The following RBM33 variants were observed in gnomAD, a reference collection of about 807,000 sequenced individuals.
RBM33 encodes RNA-binding protein 33.
Under a neutral mutation model 132.6 loss-of-function variants are expected in RBM33, and 28 were observed. That is an observed-to-expected ratio of 0.21 (90% confidence interval 0.16 to 0.29). The LOEUF (loss-of-function observed/expected upper bound fraction) is 0.29, where lower values mean the gene tolerates loss of function less well. Ranked by LOEUF, RBM33 falls within the 10% of genes least tolerant of loss-of-function variation. RBM33 has a pLI of 1.00. For synonymous variants in RBM33, 634 were observed against 593.0 expected, an observed-to-expected ratio of 1.07 and a Z score of -1.01; for missense variants, 1,291 against 1,518.5, an observed-to-expected ratio of 0.85 and a Z score of 2.49.
At chr7:155,713,212 G>C (rs1211553264) in intron 8 of RBM33, among the ~76,000 whole-genome samples, 1 of 152,160 alleles carries the variant, frequency 6.6e-6, no homozygotes, top group Non-Finnish European at 1.5e-5. Context: ...CATTAAATTT[G>C]AGATGCCAAC....
At chr7:155,716,659 A>T (rs1398199538) in intron 8 of RBM33, among the ~76,000 whole-genome samples, 1 of 152,082 alleles carries the variant, frequency 6.6e-6, no homozygotes, top group African/African-American at 2.4e-5. Context: ...CTTCATTATA[A>T]TCTTCTGAGG....
chr7:155,668,501 C>T (rs919918071), intron 2 of RBM33, among the ~76,000 whole-genome samples: 2 of 152,090 alleles, frequency 1.3e-5, no homozygotes, highest in Admixed American at 6.6e-5. Context: ...GGGGAGGGGC[C>T]GGGGTGTGGC....
At chr7:155,711,515 T>C in intron 8 of RBM33, 60 bp downstream of exon 8, 2 of 1,174,590 alleles carry the variant, frequency 1.7e-6, no homozygotes, top group South Asian at 4.1e-5. Flanking sequence ...ATGGTTTGAC[T>C]TAGGATTTTT....
intron 9 of RBM33, among the ~76,000 whole-genome samples, chr7:155,727,943 C>CT (rs1202019086): frequency 5.3e-5 from 8 of 151,762 alleles, no homozygotes; most frequent in Admixed American, 3.3e-4. Flanking sequence ...TTTTTTTGTA[C>CT]TTTTTTTGTA....
At chr7:155,746,296 G>A (rs1212823365) in intron 14 of RBM33, 1 of 152,142 alleles carries the variant, frequency 6.6e-6, no homozygotes, top group African/African-American at 2.4e-5. Flanking sequence ...CAGTGCAGGT[G>A]TGTGTCTAAT....
At chr7:155,672,773 G>GAGCTGT (rs1798979948) in intron 2 of RBM33, 94 bp from the exon 3 acceptor site, 5 of 665,170 alleles carry the variant, frequency 7.5e-6, no homozygotes, top group Non-Finnish European at 1.2e-5. Context: ...AAAGGTACCT[G>GAGCTGT]AGCTGTAGAG....
chr7:155,664,440 T>G (rs1798743262), intron 1 of RBM33, among the ~76,000 whole-genome samples: 3 of 151,696 alleles, frequency 2.0e-5, no homozygotes, highest in Admixed American at 2.0e-4. Context: ...TTTTTTTTTT[T>G]GTATTTTTTT....
At chr7:155,654,524 A>G (rs749584843) in intron 1 of RBM33, among the ~76,000 whole-genome samples, 16 of 152,000 alleles carry the variant, frequency 1.1e-4, no homozygotes, top group Non-Finnish European at 1.8e-4. Flanking sequence ...ACTTCTCTCT[A>G]TGAGTGTGCT....
intron 1 of RBM33, among the ~76,000 whole-genome samples, chr7:155,662,188 C>T (rs1367835722): frequency 6.6e-6 from 1 of 152,154 alleles, no homozygotes; most frequent in Non-Finnish European, 1.5e-5. Context: ...TCTCTGAGCA[C>T]ACCTTCCGTA....
chr7:155,739,635 T>A, intron 11 of RBM33, 80 bp from the exon 12 acceptor site: 1 of 1,427,518 alleles, frequency 7.0e-7, no homozygotes, highest in East Asian at 2.5e-5. Flanking sequence ...TGTGTTGAGG[T>A]TTTTTAGGAA....
intron 2 of RBM33, among the ~76,000 whole-genome samples, chr7:155,670,315 C>A (rs1035888760): frequency 2.0e-5 from 3 of 152,236 alleles, no homozygotes; most frequent in African/African-American, 7.2e-5. Flanking sequence ...AGAACACTTA[C>A]TGCTGCTGCC....
intron 5 of RBM33, chr7:155,684,956 T>C (rs1221403920): frequency 1.9e-5 from 29 of 1,550,408 alleles, no homozygotes; most frequent in Non-Finnish European, 2.2e-5. Flanking sequence ...TGCAGGCTTA[T>C]GGTGGGCAAC....
At chr7:155,724,991 TGTGTGTGTGTGTGTGTG>T (rs1800744074) in intron 9 of RBM33, among the ~76,000 whole-genome samples, 1 of 51,570 alleles carries the variant, frequency 1.9e-5, no homozygotes, top group African/African-American at 5.1e-5. Context: ...TGTACAGGTT[TGTGTGTGTGTGTGTGTG>T]TGTGTGTGTG....
Position 155,644,719 on chromosome 7 carries a change from G to T in RBM33, c.-158G>T. ...GTTGTTTTCTTCCTGCGGAGGCGAA[G>T]GGCCAGCTGTGGACCGCGAAGCGCC... On this transcript the variant is annotated 5_prime_UTR_variant, in exon 1 of 18. It adds an upstream start codon to the 5' untranslated region. Coordinates refer to ENST00000401878, the MANE Select transcript of RBM33 (RefSeq NM_053043.3). 1.9e-6 allele frequency: 1 copy of T among 514,734 alleles called. No individual in the cohort carries two copies. Among genetic ancestry groups the T allele is most frequent in the African/African-American group, 2.0e-5 (1 of 49,732 alleles). 31.9% of individuals were successfully genotyped at this position (514,734 alleles called of 1,614,324 possible). A position where few individuals can be genotyped will look rare whatever the true frequency, so the allele number is the denominator to read the frequency against.
rs1264850048 is a variant in RBM33, at chr7:155,688,841, G to A, written c.567+7933G>A. Reference sequence around the variant, plus strand: ...AGATGAAGCCCACTTGATCATGGCGGATAAGCTTTTTGATGTGCTGCTGGA... The same window carrying A: ...AGATGAAGCCCACTTGATCATGGCGAATAAGCTTTTTGATGTGCTGCTGGA... On this transcript the variant is annotated intron_variant, in intron 5 of 17. Transcript: ENST00000401878. 5.9e-5 allele frequency among the ~76,000 whole-genome samples: 9 copies of A among 152,302 alleles called. 2 individuals are homozygous for A. The East Asian group carries it at 1.7e-3, about 29-fold the overall frequency.
At chr7:155,742,224 T>G in intron 13 of RBM33, 118 bp downstream of exon 13, 2 of 924,106 alleles carry the variant, frequency 2.2e-6, no homozygotes, top group South Asian at 2.0e-5. Flanking sequence ...TTTTTTCACC[T>G]GGGTCTTTTT....
chr7:155,772,119 T>A (rs1181508737), intron 16 of RBM33, among the ~76,000 whole-genome samples: 1 of 152,216 alleles, frequency 6.6e-6, no homozygotes, highest in Non-Finnish European at 1.5e-5. Context: ...TCTGCTGCAG[T>A]ATTGGCAGCT....
At position 155,745,751 on chromosome 7, in the gene RBM33, G is replaced by C; in HGVS notation, c.2979+149G>C. 1.3e-6 allele frequency: 1 copy of C among 790,390 alleles called. No individual in the cohort carries two copies. The allele number at this position is 790,390 out of a possible 1,614,324, so 49.0% of individuals were successfully genotyped here. ...CTCTACCTACTTGAAGTTGGTATAA[G>C]AATTGCCGCTTGACGACAGGCATAC... On this transcript the variant is annotated intron_variant, in intron 14 of 17. Coordinates refer to ENST00000401878, the MANE Select transcript of RBM33 (RefSeq NM_053043.3). This position sits in a 1 kb window ranked among gnomAD's most constrained non-coding sequence, Gnocchi z 4.1.
intron 14 of RBM33, among the ~76,000 whole-genome samples, chr7:155,750,071 T>A (rs1801645977): frequency 6.6e-6 from 1 of 152,240 alleles, no homozygotes; most frequent in South Asian, 2.1e-4. Context: ...AAATTAATGC[T>A]GCTTATAAGT....
Sources: allele counts gnomAD v4.1 joint callset (sites outside exome capture counted in the v4.1 genomes callset), GRCh38; gene constraint gnomAD v4.1.1; non-coding constraint Gnocchi (gnomAD v3.1); transcripts MANE v1.5; gene names NCBI Gene and HGNC (gene_info 2026-07-23, HGNC 2026-07-21).